POLQ: variants seen among roughly 807,000 people sequenced by gnomAD.
The protein encoded by POLQ is DNA polymerase theta, also known as epididymis secretory sperm binding protein.
POLQ carries 233 observed loss-of-function variants against 259.2 expected under a neutral mutation model. The observed-to-expected ratio is 0.90, with a 90% CI of 0.81 to 1.00. The LOEUF (loss-of-function observed/expected upper bound fraction) is 1.00. POLQ is among the 50% of genes least tolerant of loss of function. The probability of loss-of-function intolerance (pLI) is 0.00; values close to 1 mark genes in which losing one functional copy is unlikely to be tolerated. For missense variants in POLQ, 2,871 were observed against 3,051.6 expected (o/e 0.94, Z 1.39); for synonymous variants, 1,025 against 1,048.8 (o/e 0.98, Z 0.44).
chr3:121,449,215 T>G (rs2047653509), intron 26 of POLQ, 100 bp downstream of exon 26: 1 of 654,166 alleles, frequency 1.5e-6, no homozygotes, highest in African/African-American at 1.8e-5. Flanking sequence ...TGAAAACTTC[T>G]GACTAATTGA....
Position 121,529,767 on chromosome 3 carries a change from A to G in POLQ, c.986T>C (p.Leu329Ser). Reference protein sequence around the residue: ...VKGDEDHVVSLCYETICDNHS... With the variant: ...VKGDEDHVVSSCYETICDNHS... ...GTTATCACAAATCGTCTCATAACAT[A>G]AACTAACAACATGGTCCTCATCTCC... The change falls in exon 7 of 30, where the codon TTA becomes TCA. Residue 329 changes from leucine to serine, a missense_variant. This residue lies in a region of POLQ where 783 missense variants were observed against 906.2 expected (regional missense o/e 0.86). Transcript: ENST00000264233. 6.2e-7 allele frequency: 1 copy of G among 1,612,116 alleles called. No homozygotes were observed. The highest frequency in any genetic ancestry group is 8.5e-7 in the Non-Finnish European group (1 of 1,179,012).
intron 27 of POLQ, among the ~76,000 whole-genome samples, chr3:121,439,689 T>G (rs1293056338): frequency 6.6e-6 from 1 of 152,206 alleles, no homozygotes; most frequent in Non-Finnish European, 1.5e-5. Flanking sequence ...AATGTAAAAA[T>G]TAAGTTTATT....
intron 28 of POLQ, among the ~76,000 whole-genome samples, chr3:121,433,447 C>T (rs189187867): frequency 6.6e-6 from 1 of 152,126 alleles, no homozygotes; most frequent in South Asian, 2.1e-4. Flanking sequence ...AAGGGGGACA[C>T]TCCCTCATGT....
In POLQ at chr3:121,460,071, A is replaced by G. The variant is rs764957894; in HGVS notation, c.7131T>C (p.Asp2377=). 1 of 1,613,984 alleles carries G rather than the reference A, an allele frequency of 6.2e-7. No homozygotes were observed. Among genetic ancestry groups the G allele is most frequent in the Non-Finnish European group, 8.5e-7 (1 of 1,179,902 alleles). The change falls in exon 25 of 30, where the codon GAT becomes GAC. Residue 2377 remains aspartate, a synonymous_variant. Coordinates refer to ENST00000264233, the MANE Select transcript of POLQ (RefSeq NM_199420.4). The part of the protein sequence containing the change: ...KMIEPESVGD[D]LRQQAKQICY... Reference sequence around the variant, plus strand: ...TCACCTGTTTTGCCTGCTGCCTCAGATCATCCCCAACAGACTCTGGCTCAA... The same window carrying G: ...TCACCTGTTTTGCCTGCTGCCTCAGGTCATCCCCAACAGACTCTGGCTCAA...
chr3:121,487,505 G>T lies in POLQ; in HGVS notation c.5426C>A (p.Ser1809Ter). Residue 1809 changes from serine to a stop codon, truncating the protein, a stop_gained, in exon 16 of 30, where the codon TCA (serine) becomes TAA (stop). Coordinates refer to ENST00000264233, the MANE Select transcript of POLQ (RefSeq NM_199420.4). LOFTEE classifies it high-confidence loss of function. ...TGGAGTTAACTGTAATCCATCCTGT[G>T]ATAACTGAAGTGAAAAGCTTGTGTC... ...ISDTSFSLQL[S>*]QDGLQLTPAS... The T allele has an allele frequency of 6.2e-7, 1 of 1,614,076 alleles. No individual in the cohort carries two copies. The highest frequency in any genetic ancestry group is 8.5e-7 in the Non-Finnish European group (1 of 1,179,992).
chr3:121,488,131 C>T lies in POLQ; in HGVS notation c.4800G>A (p.Glu1600=), dbSNP rs752002026. 5.6e-6 allele frequency: 9 copies of T among 1,612,574 alleles called. No individual in the cohort carries two copies. The highest frequency in any genetic ancestry group is 1.7e-5 in the Admixed American group (1 of 59,912). ...ALELSDPVLD[E]HHQGDQDGGD... is the part of the protein sequence containing the mutation. The stretch of plus-strand genomic sequence containing the variant: ...CTCCATCTTGATCACCTTGGTGGTG[C>T]TCATCAAGTACTGGATCACTTAGTT... The change falls in exon 16 of 30, where the codon GAG becomes GAA. Residue 1600 remains glutamate, a synonymous_variant. Coordinates refer to ENST00000264233, the MANE Select transcript of POLQ (RefSeq NM_199420.4).
At chr3:121,535,614 G>A (rs893850645) in intron 5 of POLQ, among the ~76,000 whole-genome samples, 5 of 150,856 alleles carry the variant, frequency 3.3e-5, no homozygotes, top group South Asian at 2.1e-4. Context: ...TACTCAGGAG[G>A]CTCAGGCAGG....
At chr3:121,485,359 A>G (rs2048003281) in intron 16 of POLQ, among the ~76,000 whole-genome samples, 175 bp from the exon 17 acceptor site, 2 of 152,214 alleles carry the variant, frequency 1.3e-5, no homozygotes, top group South Asian at 4.1e-4. Context: ...GCTTCCCATC[A>G]ATTAAGATAA....
intron 26 of POLQ, among the ~76,000 whole-genome samples, chr3:121,446,382 TGAG>T (rs1278008302): frequency 1.3e-5 from 2 of 152,244 alleles, no homozygotes; most frequent in African/African-American, 4.8e-5. Context: ...ATCCATGTGC[TGAG>T]GAGAAGAATG....
chr3:121,505,861 A>T (rs2048204396), intron 12 of POLQ, among the ~76,000 whole-genome samples: 3 of 151,388 alleles, frequency 2.0e-5, no homozygotes, highest in Admixed American at 2.0e-4. Context: ...AAAAAAAAAA[A>T]AAAATACAAA....
In POLQ at chr3:121,533,116, C is replaced by A. The variant is rs1485291458; in HGVS notation, c.834G>T (p.Leu278Phe). 1.7e-5 allele frequency: 27 copies of A among 1,613,956 alleles called. No homozygotes were observed. Among genetic ancestry groups the A allele is most frequent in the Non-Finnish European group, 2.0e-5 (24 of 1,179,960 alleles). Residue 278 changes from leucine (L) to phenylalanine (F), a missense_variant, in exon 6 of 30, where the codon TTG becomes TTT. Coordinates refer to ENST00000264233, the MANE Select transcript of POLQ (RefSeq NM_199420.4). The stretch of plus-strand genomic sequence containing the variant: ...AGTCGGTATGGTAGAGTTCAGCATT[C>A]AACCAGGAAGCCACAAGCTCCAAAT... ...LPNLELVASWLNAELYHTDFR... is the reference protein window; with the variant it reads ...LPNLELVASWFNAELYHTDFR...
chr3:121,523,546 T>TAAAAAAAAAAAA (rs989052659), intron 7 of POLQ, among the ~76,000 whole-genome samples: 1 of 149,718 alleles, frequency 6.7e-6, no homozygotes, highest in Admixed American at 6.7e-5. Context: ...ATCCCATCTC[T>TAAAAAAAAAAAA]AAAAAAAAAT....
At chr3:121,537,355 G>C in intron 4 of POLQ, 147 bp from the exon 5 acceptor site, 1 of 620,482 alleles carries the variant, frequency 1.6e-6, no homozygotes, top group Non-Finnish European at 2.9e-6. Flanking sequence ...TGTTACCTGG[G>C]TATATTGTGT....
At chr3:121,529,530 TG>T in intron 7 of POLQ, 114 bp downstream of exon 7, 1 of 940,672 alleles carries the variant, frequency 1.1e-6, no homozygotes, top group Non-Finnish European at 1.7e-6. Flanking sequence ...TACCACCTAG[TG>T]GGCAGGCAGT....
At chr3:121,543,395 C>T (rs553530494) in intron 2 of POLQ, among the ~76,000 whole-genome samples, 4 of 152,314 alleles carry the variant, frequency 2.6e-5, no homozygotes, top group South Asian at 4.1e-4. Flanking sequence ...CTAAGTACTA[C>T]CGAGGCACAC....
Position 121,490,195 on chromosome 3 carries a change from A to G in POLQ, c.2736T>C (p.Thr912=). ...ALLHSSTCSL[T]HSESEVKEHT... ...GTTCCTTTACTTCGGACTCACTATG[A>G]GTCAATGAGCATGTACTAGAATGTA... Residue 912 remains threonine, a synonymous_variant, in exon 16 of 30, where the codon ACT becomes ACC. Coordinates refer to ENST00000264233, the MANE Select transcript of POLQ (RefSeq NM_199420.4). 1 of 1,613,760 alleles carries G rather than the reference A, an allele frequency of 6.2e-7. No homozygotes were observed. Among genetic ancestry groups the G allele is most frequent in the East Asian group, 2.2e-5 (1 of 44,886 alleles).
intron 18 of POLQ, 150 bp from the exon 19 acceptor site, chr3:121,481,962 A>G (rs1469564310): frequency 1.4e-6 from 1 of 725,902 alleles, no homozygotes; most frequent in African/African-American, 1.8e-5. Context: ...GAAAGAAGGA[A>G]AGAATAATTG....
chr3:121,462,242 C>A (rs2047798007), intron 24 of POLQ, among the ~76,000 whole-genome samples: 1 of 151,522 alleles, frequency 6.6e-6, no homozygotes, highest in African/African-American at 2.4e-5. Context: ...CAGACAACCA[C>A]AAAATTGGAC....
rs1216620881 is a variant in POLQ, at chr3:121,489,634, T to G, written c.3297A>C (p.Lys1099Asn). 2.5e-6 allele frequency: 4 copies of G among 1,614,028 alleles called. No individual in the cohort carries two copies. Among genetic ancestry groups the G allele is most frequent in the East Asian group, 2.2e-5 (1 of 44,884 alleles). The change falls in exon 16 of 30, where the codon AAA becomes AAC. Residue 1099 changes from lysine to asparagine, a missense_variant. By Grantham distance (94) the Lys-to-Asn change is moderately conservative. Around this residue, in one of 3 missense-constraint regions of POLQ, gnomAD observed 2,080 missense variants for 2,126.0 expected, o/e 0.98. Transcript: ENST00000264233. ...TTTCCTTACCACTCAAAGATACATT[T>G]TTAGCAAATGGCCCTGAATTTCTAA... ...TEFRNSGPFAKNVSLSGKEKD... is the reference protein window; with the variant it reads ...TEFRNSGPFANNVSLSGKEKD...
Sources: gnomAD v4.1 joint callset for allele counts (sites outside exome capture counted in the v4.1 genomes callset) on GRCh38, gnomAD v4.1.1 for gene constraint, gnomAD v4.1.1 regional missense constraint, MANE v1.5 for transcripts, NCBI Gene and HGNC (gene_info 2026-07-23, HGNC 2026-07-21) for gene names.